UST: variants seen among roughly 807,000 people sequenced by gnomAD.
UST encodes the protein uronyl 2-sulfotransferase.
A neutral mutation model predicts 45.6 loss-of-function variants in UST; 21 were observed. The observed-to-expected ratio is 0.46, with a 90% CI of 0.33 to 0.66. The LOEUF (loss-of-function observed/expected upper bound fraction) is 0.66. Ranked by LOEUF, UST falls within the 30% of genes least tolerant of loss-of-function variation. UST has a pLI of 0.02. For missense variants in UST, 463 were observed against 512.4 expected, an observed-to-expected ratio of 0.90 and a Z score of 0.93; for synonymous variants, 215 against 200.6, an observed-to-expected ratio of 1.07 and a Z score of -0.61.
chr6:148,960,972 GATTA>G (rs890367545), intron 4 of UST, among the ~76,000 whole-genome samples: 5 of 152,170 alleles, frequency 3.3e-5, no homozygotes, highest in African/African-American at 1.2e-4. Context: ...TCGATGGGTT[GATTA>G]ATTGATTGAG....
chr6:148,823,204 C>CT (rs777120313), intron 1 of UST, among the ~76,000 whole-genome samples: 7 of 152,260 alleles, frequency 4.6e-5, no homozygotes, highest in Non-Finnish European at 8.8e-5. Flanking sequence ...TAACTACATG[C>CT]TTTTTCAGAC....
At chr6:148,792,710 G>A (rs1438017675) in intron 1 of UST, among the ~76,000 whole-genome samples, 1 of 152,210 alleles carries the variant, frequency 6.6e-6, no homozygotes. Flanking sequence ...ACTCCTATAT[G>A]TGGGGAGAGA....
chr6:148,891,879 C>T (rs1158626530), intron 2 of UST, among the ~76,000 whole-genome samples: 1 of 152,166 alleles, frequency 6.6e-6, no homozygotes, highest in Non-Finnish European at 1.5e-5. Context: ...CGTTTTCTTC[C>T]AGTAACCTTT....
intron 6 of UST, among the ~76,000 whole-genome samples, chr6:149,019,465 A>T (rs1313180805): frequency 6.6e-6 from 1 of 152,164 alleles, no homozygotes; most frequent in Non-Finnish European, 1.5e-5. Flanking sequence ...CCACCATATA[A>T]AGCTTTGTAA....
intron 2 of UST, among the ~76,000 whole-genome samples, chr6:148,913,238 C>T (rs552531857): frequency 6.6e-6 from 1 of 152,246 alleles, no homozygotes; most frequent in African/African-American, 2.4e-5. Context: ...AGGACAGCAC[C>T]TCTGCAAACA....
intron 1 of UST, among the ~76,000 whole-genome samples, chr6:148,866,048 A>C (rs1212980841): frequency 6.6e-6 from 1 of 152,040 alleles, no homozygotes; most frequent in African/African-American, 2.4e-5. Context: ...TATATATACA[A>C]ATACATATAC....
intron 1 of UST, among the ~76,000 whole-genome samples, chr6:148,877,626 G>C (rs1248220074): frequency 7.1e-6 from 1 of 141,256 alleles, no homozygotes; most frequent in Non-Finnish European, 1.5e-5. Flanking sequence ...TGAGTGTGAG[G>C]GGTCGTGTAT....
intron 2 of UST, among the ~76,000 whole-genome samples, chr6:148,894,372 T>C (rs529242103): frequency 3.3e-5 from 5 of 152,274 alleles, no homozygotes; most frequent in Non-Finnish European, 5.9e-5. Context: ...AAGACAATGA[T>C]TGATGTCTGT....
intron 5 of UST, among the ~76,000 whole-genome samples, chr6:149,009,586 G>C (rs2486418): frequency 0.15 from 9,380 of 62,766 alleles, 726 homozygotes; most frequent in African/African-American, 0.32. Context: ...CACACACATA[G>C]ACAGACACAC....
At chr6:149,045,900 A>T (rs1562338617) in intron 7 of UST, among the ~76,000 whole-genome samples, 1 of 152,102 alleles carries the variant, frequency 6.6e-6, no homozygotes, top group African/African-American at 2.4e-5. Context: ...ATTATACCTT[A>T]AAAAAAGCCA....
At chr6:148,870,347 T>C (rs754869513) in intron 1 of UST, among the ~76,000 whole-genome samples, 5 of 152,160 alleles carry the variant, frequency 3.3e-5, no homozygotes, top group Admixed American at 6.5e-5. Context: ...TGTGACAACA[T>C]TAAAGTTCTG....
intron 1 of UST, among the ~76,000 whole-genome samples, chr6:148,791,618 A>G (rs1390885801): frequency 6.6e-6 from 1 of 152,210 alleles, no homozygotes; most frequent in Non-Finnish European, 1.5e-5. Context: ...TGAGAAGCAC[A>G]TTTCAGTACA....
At chr6:148,826,564 G>C (rs563518785) in intron 1 of UST, among the ~76,000 whole-genome samples, 1 of 151,822 alleles carries the variant, frequency 6.6e-6, no homozygotes, top group Non-Finnish European at 1.5e-5. Context: ...ATTCTTCCTA[G>C]ATACCTAAAC....
intron 5 of UST, among the ~76,000 whole-genome samples, chr6:149,014,468 G>T (rs1775864451): frequency 6.6e-6 from 1 of 152,188 alleles, no homozygotes; most frequent in Non-Finnish European, 1.5e-5. Context: ...GAGACATTTG[G>T]GTTCCAGCCA....
intron 7 of UST, among the ~76,000 whole-genome samples, chr6:149,072,584 T>C (rs1487045377): frequency 1.3e-5 from 2 of 148,512 alleles, no homozygotes; most frequent in African/African-American, 2.5e-5. Flanking sequence ...ACCCGGGAGG[T>C]AGAGGTTGTA....
chr6:148,846,338 A>G (rs963950317), intron 1 of UST, among the ~76,000 whole-genome samples: 8 of 152,058 alleles, frequency 5.3e-5, no homozygotes, highest in East Asian at 1.9e-4. Context: ...TCAGTAAACT[A>G]TCGCAAGGAC....
At chr6:148,801,685 C>A (rs1360863374) in intron 1 of UST, among the ~76,000 whole-genome samples, 3 of 152,180 alleles carry the variant, frequency 2.0e-5, no homozygotes, top group Non-Finnish European at 4.4e-5. Context: ...CCCTCATCCT[C>A]CTGGGGCTTC....
intron 5 of UST, among the ~76,000 whole-genome samples, chr6:148,972,904 A>G (rs1028982354): frequency 2.6e-5 from 4 of 151,860 alleles, no homozygotes; most frequent in African/African-American, 9.7e-5. Flanking sequence ...TTTAAGCTTC[A>G]GAAGTGAGGC....
chr6:148,820,870 C>A (rs1170582993), intron 1 of UST, among the ~76,000 whole-genome samples: 3 of 147,194 alleles, frequency 2.0e-5, no homozygotes, highest in Non-Finnish European at 4.5e-5. Flanking sequence ...AAAAAAAAAT[C>A]ATTGAGTATC....
Sources: gnomAD v4.1 joint callset for allele counts (sites outside exome capture counted in the v4.1 genomes callset) on GRCh38, gnomAD v4.1.1 for gene constraint, MANE v1.5 for transcripts, NCBI Gene and HGNC (gene_info 2026-07-23, HGNC 2026-07-21) for gene names.